FBXL7: variants seen among roughly 807,000 people sequenced by gnomAD.
The protein encoded by FBXL7 is F-box and leucine rich repeat protein 7.
A neutral mutation model predicts 38.3 loss-of-function variants in FBXL7; 12 were observed. The ratio of observed to expected loss-of-function variants is 0.31; its 90% CI spans 0.20 to 0.51. FBXL7 has a LOEUF of 0.51. Ranked by LOEUF, FBXL7 falls within the 20% of genes least tolerant of loss-of-function variation. The probability of loss-of-function intolerance (pLI) is 0.98; values close to 1 mark genes in which losing one functional copy is unlikely to be tolerated. For missense variants in FBXL7, 567 were observed against 676.4 expected, an observed-to-expected ratio of 0.84 and a Z score of 1.79; for synonymous variants, 297 against 300.9, an observed-to-expected ratio of 0.99 and a Z score of 0.13.
At chr5:15,745,896 G>A (rs936841534) in intron 2 of FBXL7, among the ~76,000 whole-genome samples, 1 of 152,194 alleles carries the variant, frequency 6.6e-6, no homozygotes, top group Admixed American at 6.5e-5. Context: ...AAACCCAAAT[G>A]TGGCTGCTGT....
intron 2 of FBXL7, among the ~76,000 whole-genome samples, chr5:15,668,372 G>A (rs1475835629): frequency 2.6e-5 from 1 of 38,412 alleles, no homozygotes; most frequent in South Asian, 5.7e-4. Context: ...TTGTGTTTGT[G>A]TGTGTGTGTG....
In FBXL7 at chr5:15,500,559, C is replaced by T. The variant is rs1164276273; in HGVS notation, c.-118C>T. On this transcript the variant is annotated 5_prime_UTR_variant, in exon 1 of 4. Transcript: ENST00000504595. ...TCCAGGCCGGAGGTCGGCCCCGGAG[C>T]TTGGGGGGGATGTGCAGCTAACGGT... The T allele has an allele frequency of 7.0e-7, 1 of 1,434,416 alleles. No individual in the cohort carries two copies. The highest frequency in any genetic ancestry group is 1.4e-5 in the African/African-American group (1 of 71,388). 88.9% of individuals were successfully genotyped at this position (1,434,416 alleles called of 1,614,324 possible).
chr5:15,529,975 G>A (rs540923073), intron 1 of FBXL7, among the ~76,000 whole-genome samples: 2 of 152,308 alleles, frequency 1.3e-5, no homozygotes, highest in South Asian at 2.1e-4. Flanking sequence ...CCAAGGAAGT[G>A]TATATTGATA....
At position 15,644,650 on chromosome 5, in the gene FBXL7, G is replaced by C. The variant is rs1741474595; in HGVS notation, c.127+28578G>C. 2.6e-5 allele frequency among the ~76,000 whole-genome samples: 4 copies of C among 152,106 alleles called. No individual in the cohort carries two copies. In the South Asian group the frequency reaches 8.3e-4, roughly 32 times the overall value. ...TCAAGATGCCTTCAGTTTGACTTTTGCTTTTAGGGAACTGGATTTTAGTAC... is the reference window on the plus strand; with the variant it reads ...TCAAGATGCCTTCAGTTTGACTTTTCCTTTTAGGGAACTGGATTTTAGTAC... On this transcript the variant is annotated intron_variant, in intron 2 of 3. Coordinates refer to ENST00000504595, the MANE Select transcript of FBXL7 (RefSeq NM_012304.5).
At chr5:15,787,894 TG>T (rs1737171873) in intron 2 of FBXL7, among the ~76,000 whole-genome samples, 1 of 150,956 alleles carries the variant, frequency 6.6e-6, no homozygotes. Context: ...TACCAGCAAC[TG>T]GGTGACTTAC....
chr5:15,547,866 G>C (rs895097635), intron 1 of FBXL7, among the ~76,000 whole-genome samples: 1 of 152,194 alleles, frequency 6.6e-6, no homozygotes, highest in African/African-American at 2.4e-5. Flanking sequence ...ACGGTTACCT[G>C]GAGGATTGTC....
intron 2 of FBXL7, among the ~76,000 whole-genome samples, chr5:15,638,563 G>C (rs1741259433): frequency 1.3e-5 from 2 of 151,894 alleles, no homozygotes; most frequent in South Asian, 4.2e-4. Context: ...TTCCAGTGTC[G>C]AGTGCATGCA....
intron 2 of FBXL7, among the ~76,000 whole-genome samples, chr5:15,902,008 G>C (rs775383015): frequency 2.6e-5 from 4 of 152,160 alleles, no homozygotes; most frequent in Non-Finnish European, 5.9e-5. Context: ...GCATATAATA[G>C]GCCCCATAAA....
chr5:15,524,259 C>T (rs923373862), intron 1 of FBXL7, among the ~76,000 whole-genome samples: 1 of 152,128 alleles, frequency 6.6e-6, no homozygotes, highest in African/African-American at 2.4e-5. Context: ...CATTGACCAT[C>T]TCCCTACTCA....
chr5:15,765,913 G>A lies in FBXL7; in HGVS notation c.127+149841G>A, dbSNP rs559735853. ...CATTTCCTCATCCAGCCTCTCTCAC[G>A]TGACCATGCTTACAGTGTACAGCGG... On this transcript the variant is annotated intron_variant, in intron 2 of 3. Coordinates refer to ENST00000504595, the MANE Select transcript of FBXL7 (RefSeq NM_012304.5). Among the ~76,000 whole-genome samples, 7 of 152,084 alleles carry A rather than the reference G, an allele frequency of 4.6e-5. No individual in the cohort carries two copies. The South Asian group carries it at 1.0e-3, about 23-fold the overall frequency.
At chr5:15,929,918 C>A (rs2126462916) in intron 3 of FBXL7, among the ~76,000 whole-genome samples, 1 of 152,226 alleles carries the variant, frequency 6.6e-6, no homozygotes, top group South Asian at 2.1e-4. Flanking sequence ...GGTGGGTGAA[C>A]AAACAGAATC....
chr5:15,816,592 C>T (rs2126759424), intron 2 of FBXL7, among the ~76,000 whole-genome samples: 1 of 152,154 alleles, frequency 6.6e-6, no homozygotes, highest in South Asian at 2.1e-4. Flanking sequence ...TCAGATTTCA[C>T]CACTATACAA....
intron 1 of FBXL7, among the ~76,000 whole-genome samples, chr5:15,555,563 C>G (rs896258256): frequency 2.0e-5 from 3 of 152,134 alleles, no homozygotes; most frequent in African/African-American, 4.8e-5. Context: ...GGCTTTGCCC[C>G]TTAGACACAG....
intron 2 of FBXL7, among the ~76,000 whole-genome samples, chr5:15,702,428 T>C (rs899043376): frequency 1.3e-5 from 2 of 152,130 alleles, no homozygotes; most frequent in Non-Finnish European, 2.9e-5. Flanking sequence ...ACAAACATAA[T>C]GGAGCCAGTA....
intron 2 of FBXL7, among the ~76,000 whole-genome samples, chr5:15,900,585 A>G (rs1205914275): frequency 6.6e-6 from 1 of 151,668 alleles, no homozygotes; most frequent in African/African-American, 2.4e-5. Context: ...GGATTCCTTT[A>G]GAAGTCAAGG....
At chr5:15,515,048 C>A (rs1056157470) in intron 1 of FBXL7, among the ~76,000 whole-genome samples, 2 of 152,188 alleles carry the variant, frequency 1.3e-5, no homozygotes, top group Admixed American at 6.5e-5. Context: ...TGCACTCAGA[C>A]CATCTCAGAG....
chr5:15,919,677 T>C (rs1300482711), intron 2 of FBXL7, among the ~76,000 whole-genome samples: 2 of 152,132 alleles, frequency 1.3e-5, no homozygotes, highest in Admixed American at 1.3e-4. Context: ...GTCAAGAAAA[T>C]ATTACATTTA....
At chr5:15,774,461 A>C (rs1736809987) in intron 2 of FBXL7, among the ~76,000 whole-genome samples, 1 of 152,122 alleles carries the variant, frequency 6.6e-6, no homozygotes, top group Admixed American at 6.5e-5. Context: ...TATGTTTTAG[A>C]TTGTACTGCC....
At chr5:15,528,909 C>T (rs1349037284) in intron 1 of FBXL7, among the ~76,000 whole-genome samples, 1 of 152,158 alleles carries the variant, frequency 6.6e-6, no homozygotes, top group Admixed American at 6.5e-5. Context: ...ACGTGCATGA[C>T]CTCAAATACT....
Sources: gnomAD v4.1 joint callset for allele counts (sites outside exome capture counted in the v4.1 genomes callset) on GRCh38, gnomAD v4.1.1 for gene constraint, MANE v1.5 for transcripts, NCBI Gene and HGNC (gene_info 2026-07-23, HGNC 2026-07-21) for gene names.